ZNF420: variants seen among roughly 807,000 people sequenced by gnomAD.
ZNF420 encodes the protein zinc finger protein 420.
In ZNF420, 31 loss-of-function variants were observed where a neutral mutation model predicts 44.7. The ratio of observed to expected loss-of-function variants is 0.69; its 90% CI spans 0.52 to 0.94. The LOEUF is 0.94. ZNF420 is among the 40% of genes least tolerant of loss of function. The probability of loss-of-function intolerance (pLI) is 0.00; values close to 1 mark genes in which losing one functional copy is unlikely to be tolerated. For synonymous variants in ZNF420, 245 were observed against 267.4 expected (o/e 0.92, Z 0.82); for missense variants, 681 against 827.9 (o/e 0.82, Z 2.18).
At chr19:37,060,834 G>T (rs1967864014) in intron 1 of ZNF420, among the ~76,000 whole-genome samples, 1 of 152,038 alleles carries the variant, frequency 6.6e-6, no homozygotes, top group South Asian at 2.1e-4. Context: ...TCCGCTCCGG[G>T]GTGGACTGCC....
chr19:37,105,940 A>G (rs901046102), intron 4 of ZNF420, among the ~76,000 whole-genome samples: 3 of 152,206 alleles, frequency 2.0e-5, no homozygotes, highest in East Asian at 1.9e-4. Flanking sequence ...GGCAGAGACT[A>G]TGGGGTTTTC....
intron 2 of ZNF420, among the ~76,000 whole-genome samples, chr19:37,085,013 T>G (rs1968676337): frequency 6.6e-6 from 1 of 152,206 alleles, no homozygotes; most frequent in African/African-American, 2.4e-5. Flanking sequence ...CTTTCTTTTC[T>G]TCTTACTTTC....
At chr19:37,094,987 T>C (rs1969355634) in intron 4 of ZNF420, among the ~76,000 whole-genome samples, 1 of 151,954 alleles carries the variant, frequency 6.6e-6, no homozygotes, top group Admixed American at 6.6e-5. Flanking sequence ...AAAAATTCGG[T>C]AGGTGTGGTG....
At chr19:37,052,137 G>C (rs1030730534) in intron 1 of ZNF420, among the ~76,000 whole-genome samples, 1 of 151,154 alleles carries the variant, frequency 6.6e-6, no homozygotes, top group Non-Finnish European at 1.5e-5. Context: ...TGTCTCTTTT[G>C]ATCTTTGTTG....
At chr19:37,040,259 A>C (rs1250768811) in intron 1 of ZNF420, among the ~76,000 whole-genome samples, 1 of 152,152 alleles carries the variant, frequency 6.6e-6, no homozygotes, top group Non-Finnish European at 1.5e-5. Context: ...TTCCTTCCTT[A>C]AACATCGTGA....
chr19:37,066,614 T>A (rs1290954448), intron 1 of ZNF420, among the ~76,000 whole-genome samples: 1 of 152,098 alleles, frequency 6.6e-6, no homozygotes, highest in African/African-American at 2.4e-5. Flanking sequence ...GGGACAGTAA[T>A]GAGATATATA....
At chr19:37,060,504 C>T (rs957098332) in intron 1 of ZNF420, among the ~76,000 whole-genome samples, 5 of 152,114 alleles carry the variant, frequency 3.3e-5, no homozygotes, top group Non-Finnish European at 7.3e-5. Flanking sequence ...GGCCTAGATG[C>T]TTCTTGGTCT....
In ZNF420 at chr19:37,057,462, ATCTC is replaced by A. The variant is rs539828597; in HGVS notation, c.-124-22879_-124-22876del. Among the ~76,000 whole-genome samples the A allele has an allele frequency of 7.0e-3, 1,045 of 148,880 alleles. 11 individuals are homozygous for A. The highest frequency in any genetic ancestry group is 0.025 in the African/African-American group (986 of 39,938). ...GTGTGTGTGTCTCCCATTCTCTCTTATCTCTCTGTCTCTCACTCTCTGTCTGTTT... is the reference window on the plus strand; with the variant it reads ...GTGTGTGTGTCTCCCATTCTCTCTTATCTGTCTCTCACTCTCTGTCTGTTT... On this transcript the variant is annotated intron_variant, in intron 1 of 4. Transcript: ENST00000587029.
intron 4 of ZNF420, among the ~76,000 whole-genome samples, chr19:37,114,435 C>T (rs1451959024): frequency 6.6e-6 from 1 of 152,092 alleles, no homozygotes; most frequent in East Asian, 1.9e-4. Flanking sequence ...CTCTATCTTT[C>T]CCTATTTGAT....
chr19:37,051,430 CT>C (rs1364713971), intron 1 of ZNF420, among the ~76,000 whole-genome samples: 2 of 152,136 alleles, frequency 1.3e-5, no homozygotes, highest in East Asian at 3.8e-4. Flanking sequence ...GATTCAACGT[CT>C]TCCTGGTTTA....
chr19:37,114,395 G>T (rs537775101), intron 4 of ZNF420, among the ~76,000 whole-genome samples: 56 of 151,024 alleles, frequency 3.7e-4, no homozygotes, highest in African/African-American at 1.3e-3. Context: ...TGTGGATACT[G>T]TATTTGGATT....
intron 4 of ZNF420, chr19:37,106,847 T>C (rs533504999): frequency 7.9e-5 from 12 of 152,122 alleles, no homozygotes; most frequent in African/African-American, 2.9e-4. Context: ...GGCAGGACAA[T>C]AGGGTAATAG....
intron 1 of ZNF420, among the ~76,000 whole-genome samples, chr19:37,060,795 C>T (rs1237603663): frequency 1.3e-5 from 2 of 152,070 alleles, no homozygotes; most frequent in African/African-American, 4.8e-5. Flanking sequence ...TCTGCACTTC[C>T]TGTCTCATTC....
chr19:37,059,016 C>G (rs955750825), intron 1 of ZNF420, among the ~76,000 whole-genome samples: 1 of 152,212 alleles, frequency 6.6e-6, no homozygotes, highest in Non-Finnish European at 1.5e-5. Context: ...TGTGCTGCAG[C>G]GAGGCCCTGC....
At chr19:37,044,133 C>T (rs1259047079) in intron 1 of ZNF420, among the ~76,000 whole-genome samples, 1 of 152,180 alleles carries the variant, frequency 6.6e-6, no homozygotes, top group African/African-American at 2.4e-5. Flanking sequence ...CAGTGGGAGG[C>T]CTGGTTAGGA....
chr19:37,014,446 G>A (rs1220346784), intron 1 of ZNF420, among the ~76,000 whole-genome samples: 1 of 152,168 alleles, frequency 6.6e-6, no homozygotes, highest in Non-Finnish European at 1.5e-5. Flanking sequence ...GAGCAGAAGA[G>A]CAGTCCCGAG....
At chr19:37,061,378 G>C (rs1402275605) in intron 1 of ZNF420, among the ~76,000 whole-genome samples, 1 of 152,162 alleles carries the variant, frequency 6.6e-6, no homozygotes, top group Non-Finnish European at 1.5e-5. Context: ...TGCTCTTCAG[G>C]AGCTCAAGTA....
intron 4 of ZNF420, among the ~76,000 whole-genome samples, chr19:37,123,793 G>C (rs1272750716): frequency 1.3e-5 from 2 of 151,666 alleles, no homozygotes; most frequent in East Asian, 3.9e-4. Context: ...ATTTTTAGTA[G>C]AGAGGGGGTT....
chr19:37,123,746 G>C (rs1485724529), intron 4 of ZNF420, among the ~76,000 whole-genome samples: 2 of 151,608 alleles, frequency 1.3e-5, no homozygotes, highest in Non-Finnish European at 2.9e-5. Flanking sequence ...GGGACTACAG[G>C]CGTGTGCCAC....
Sources: allele counts gnomAD v4.1 joint callset (sites outside exome capture counted in the v4.1 genomes callset), GRCh38; gene constraint gnomAD v4.1.1; transcripts MANE v1.5; gene names NCBI Gene and HGNC (gene_info 2026-07-23, HGNC 2026-07-21).